NBAS: variants seen among roughly 807,000 people sequenced by gnomAD.
NBAS encodes the protein NBAS subunit of NRZ tethering complex.
In NBAS, 219 loss-of-function variants were observed where a neutral mutation model predicts 302.5. That is an observed-to-expected ratio of 0.72 (90% CI 0.65 to 0.81). The LOEUF (loss-of-function observed/expected upper bound fraction) is 0.81. Ranked by LOEUF, NBAS falls within the 30% of genes least tolerant of loss-of-function variation. The pLI is 0.00. For missense variants in NBAS, 2,932 were observed against 2,841.6 expected, an observed-to-expected ratio of 1.03 and a Z score of -0.72; for synonymous variants, 1,118 against 1,021.6, an observed-to-expected ratio of 1.09 and a Z score of -1.80.
intron 12 of NBAS, among the ~76,000 whole-genome samples, chr2:15,484,334 A>T (rs1227542625): frequency 6.6e-6 from 1 of 152,194 alleles, no homozygotes; most frequent in African/African-American, 2.4e-5. Context: ...ATTCTGAAAA[A>T]AGGCTTAACC....
intron 21 of NBAS, among the ~76,000 whole-genome samples, chr2:15,429,811 A>G (rs957096659): frequency 1.3e-5 from 2 of 152,252 alleles, no homozygotes; most frequent in African/African-American, 4.8e-5. Flanking sequence ...ACAAATGATG[A>G]TTTAGAATGG....
intron 42 of NBAS, among the ~76,000 whole-genome samples, chr2:15,280,602 G>A (rs578022123): frequency 1.3e-5 from 2 of 152,206 alleles, no homozygotes; most frequent in Non-Finnish European, 2.9e-5. Context: ...ATTCTGAGTT[G>A]AGTCTTTCAA....
the NBAS span, among the ~76,000 whole-genome samples, chr2:14,790,787 G>A: frequency 6.6e-6 from 1 of 152,038 alleles, no homozygotes; most frequent in South Asian, 2.1e-4. Context: ...GAGTAGCGGG[G>A]ATTACAGGCA....
chr2:15,430,134 C>G (rs375425476), intron 21 of NBAS, among the ~76,000 whole-genome samples: 1 of 151,968 alleles, frequency 6.6e-6, no homozygotes, highest in East Asian at 1.9e-4. Context: ...TTTGTATTTC[C>G]TATTCAAAGT....
chr2:15,157,139 G>A, the NBAS span, among the ~76,000 whole-genome samples: 2 of 152,198 alleles, frequency 1.3e-5, no homozygotes, highest in African/African-American at 2.4e-5. Flanking sequence ...CAAGGAAATC[G>A]CTTCAAAGGT....
the NBAS span, among the ~76,000 whole-genome samples, chr2:14,889,768 C>G: frequency 1.3e-5 from 2 of 152,240 alleles, no homozygotes; most frequent in East Asian, 3.9e-4. Flanking sequence ...GGTTCCTACT[C>G]TATAAAATGG....
At chr2:15,234,424 T>C in intron 46 of NBAS, 121 bp downstream of exon 46, 1 of 991,990 alleles carries the variant, frequency 1.0e-6, no homozygotes, top group South Asian at 1.3e-5. Flanking sequence ...AAAAATAATC[T>C]CTCACTTTTG....
chr2:15,179,153 G>T, intron 50 of NBAS, 37 bp from the exon 51 acceptor site: 1 of 1,613,368 alleles, frequency 6.2e-7, no homozygotes, highest in Non-Finnish European at 8.5e-7. Flanking sequence ...AGAACTCCAC[G>T]ACGTACTTCT....
At chr2:14,801,430 A>C in the NBAS span, among the ~76,000 whole-genome samples, 1 of 152,112 alleles carries the variant, frequency 6.6e-6, no homozygotes, top group African/African-American at 2.4e-5. Context: ...GCAATGATTA[A>C]TTTACTATTA....
intron 13 of NBAS, among the ~76,000 whole-genome samples, chr2:15,476,413 GA>G (rs1680194116): frequency 6.6e-6 from 1 of 151,998 alleles, no homozygotes; most frequent in East Asian, 1.9e-4. Context: ...GGCTAGCAAA[GA>G]ATCTTTAGAA....
Position 15,395,476 on chromosome 2 carries a change from G to A in NBAS, c.3134+937C>T, listed in dbSNP as rs549932261. On this transcript the variant is annotated intron_variant, in intron 27 of 51. Transcript: ENST00000281513. ...AAGAAATACAACTGTATAACTTTCAGAACACAGAATAACAGGAATCAAGCT... is the reference window on the plus strand; with the variant it reads ...AAGAAATACAACTGTATAACTTTCAAAACACAGAATAACAGGAATCAAGCT... Among the ~76,000 whole-genome samples, 3 of 152,152 alleles carry A rather than the reference G, an allele frequency of 2.0e-5. No homozygotes were observed. In the South Asian group the frequency reaches 6.2e-4, roughly 32 times the overall value.
At chr2:15,465,656 T>A (rs1220528000) in intron 19 of NBAS, among the ~76,000 whole-genome samples, 3 of 152,326 alleles carry the variant, frequency 2.0e-5, no homozygotes, top group African/African-American at 7.2e-5. Context: ...CATTACTAAG[T>A]TTTAACAGTG....
the NBAS span, among the ~76,000 whole-genome samples, chr2:14,925,294 C>T: frequency 1.3e-5 from 2 of 152,292 alleles, no homozygotes; most frequent in East Asian, 1.9e-4. Flanking sequence ...ACTGGGATCT[C>T]TGGACATTGC....
At chr2:15,149,069 T>A in the NBAS span, among the ~76,000 whole-genome samples, 3 of 152,186 alleles carry the variant, frequency 2.0e-5, no homozygotes, top group Admixed American at 1.3e-4. Flanking sequence ...TTGGAATGTG[T>A]CCCCCAAAGT....
At chr2:15,066,491 G>C in the NBAS span, among the ~76,000 whole-genome samples, 1 of 151,920 alleles carries the variant, frequency 6.6e-6, no homozygotes, top group Admixed American at 6.6e-5. Context: ...AAACACATAG[G>C]GAAATCATAT....
intron 40 of NBAS, among the ~76,000 whole-genome samples, chr2:15,298,555 C>A (rs987954872): frequency 3.9e-5 from 6 of 152,152 alleles, no homozygotes; most frequent in Non-Finnish European, 5.9e-5. Context: ...GCTCCCTATG[C>A]AAATTATTTT....
chr2:15,212,239 A>T (rs1666445059), intron 48 of NBAS, among the ~76,000 whole-genome samples: 1 of 151,956 alleles, frequency 6.6e-6, no homozygotes, highest in South Asian at 2.1e-4. Context: ...CTCCAGCCAG[A>T]CCTCTCCAGT....
chr2:14,840,056 T>C, the NBAS span, among the ~76,000 whole-genome samples: 1 of 151,918 alleles, frequency 6.6e-6, no homozygotes, highest in Non-Finnish European at 1.5e-5. Context: ...AATTCCGAAA[T>C]TTATTATATA....
At chr2:15,402,429 T>G in intron 25 of NBAS, 128 bp from the exon 26 acceptor site, 1 of 920,210 alleles carries the variant, frequency 1.1e-6, no homozygotes, top group Non-Finnish European at 1.7e-6. Flanking sequence ...AGTCTTGATT[T>G]TTCTTTATAG....
Sources: allele counts gnomAD v4.1 joint callset (sites outside exome capture counted in the v4.1 genomes callset), GRCh38; gene constraint gnomAD v4.1.1; transcripts MANE v1.5; gene names NCBI Gene and HGNC (gene_info 2026-07-23, HGNC 2026-07-21).